WWOX: variants seen among roughly 807,000 people sequenced by gnomAD.
WWOX encodes WW domain containing oxidoreductase.
Under a neutral mutation model 46.2 loss-of-function variants are expected in WWOX, and 69 were observed. The ratio of observed to expected loss-of-function variants is 1.49; its 90% CI spans 1.23 to 1.82. The LOEUF is 1.82. WWOX is among the 40% of genes most tolerant of loss of function. The pLI is 0.00. For missense variants in WWOX, 919 were observed against 542.6 expected (o/e 1.69, Z -6.89); for synonymous variants, 359 against 202.6 (o/e 1.77, Z -6.56).
intron 8 of WWOX, among the ~76,000 whole-genome samples, chr16:78,967,736 C>G (rs972327860): frequency 1.3e-5 from 2 of 152,012 alleles, no homozygotes; most frequent in Non-Finnish European, 2.9e-5. Context: ...CAGGACCTGA[C>G]TTAGGAGGAC....
At chr16:79,177,841 G>C (rs2050831738) in intron 8 of WWOX, among the ~76,000 whole-genome samples, 1 of 152,142 alleles carries the variant, frequency 6.6e-6, no homozygotes, top group Admixed American at 6.5e-5. Context: ...TCCTTACTTT[G>C]TTCAGGCTGC....
chr16:78,736,036 C>T (rs2142400304), intron 8 of WWOX, among the ~76,000 whole-genome samples: 1 of 152,264 alleles, frequency 6.6e-6, no homozygotes, highest in East Asian at 1.9e-4. Flanking sequence ...TTGAGTGGTG[C>T]AGACTAGAGA....
At chr16:78,982,267 C>G (rs746073356) in intron 8 of WWOX, among the ~76,000 whole-genome samples, 1 of 152,168 alleles carries the variant, frequency 6.6e-6, no homozygotes, top group African/African-American at 2.4e-5. Context: ...TACAGACAGG[C>G]AAGTTTGAAT....
intron 8 of WWOX, among the ~76,000 whole-genome samples, chr16:78,775,680 G>T (rs1056450890): frequency 1.3e-5 from 2 of 152,170 alleles, no homozygotes; most frequent in Admixed American, 1.3e-4. Flanking sequence ...GTAATATGGT[G>T]CGAGCAATGG....
intron 8 of WWOX, among the ~76,000 whole-genome samples, chr16:78,451,533 G>C (rs922242683): frequency 9.9e-5 from 15 of 152,104 alleles, no homozygotes; most frequent in African/African-American, 3.6e-4. Flanking sequence ...ATGAATCCCA[G>C]CCCTTCCTTT....
chr16:79,091,221 A>G (rs1289998769), intron 8 of WWOX, among the ~76,000 whole-genome samples: 2 of 152,206 alleles, frequency 1.3e-5, no homozygotes, highest in Admixed American at 1.3e-4. Flanking sequence ...AAAACAAACA[A>G]TGTGAACAAC....
chr16:79,011,871 C>T (rs1000575882), intron 8 of WWOX, among the ~76,000 whole-genome samples: 1 of 152,066 alleles, frequency 6.6e-6, no homozygotes, highest in Non-Finnish European at 1.5e-5. Context: ...TCAGGCTAGT[C>T]TTGAACTCAT....
At chr16:78,127,428 A>C (rs2033407010) in intron 4 of WWOX, among the ~76,000 whole-genome samples, 1 of 151,734 alleles carries the variant, frequency 6.6e-6, no homozygotes, top group African/African-American at 2.4e-5. Flanking sequence ...TGCTTTAGAC[A>C]CTGGCTTGTC....
chr16:79,208,659 T>C (rs2051605749), intron 8 of WWOX, among the ~76,000 whole-genome samples: 1 of 152,144 alleles, frequency 6.6e-6, no homozygotes, highest in Non-Finnish European at 1.5e-5. Flanking sequence ...TTAAGAATGC[T>C]TTCTCTTTTA....
intron 8 of WWOX, among the ~76,000 whole-genome samples, chr16:78,849,496 C>T (rs958819788): frequency 6.7e-6 from 1 of 150,064 alleles, no homozygotes; most frequent in African/African-American, 2.5e-5. Context: ...ATGGCGTGAA[C>T]CCGGGAGGCG....
At chr16:78,490,356 C>G (rs1274781246) in intron 8 of WWOX, among the ~76,000 whole-genome samples, 1 of 152,150 alleles carries the variant, frequency 6.6e-6, no homozygotes, top group Non-Finnish European at 1.5e-5. Context: ...AAAGGGACCT[C>G]ATGTGTTATT....
intron 8 of WWOX, among the ~76,000 whole-genome samples, chr16:79,026,543 G>C (rs2047645673): frequency 6.7e-6 from 1 of 150,296 alleles, no homozygotes; most frequent in African/African-American, 2.5e-5. Flanking sequence ...TATCTAGAAA[G>C]AATCATGCCT....
At chr16:78,906,201 T>C (rs1180036797) in intron 8 of WWOX, among the ~76,000 whole-genome samples, 1 of 152,076 alleles carries the variant, frequency 6.6e-6, no homozygotes, top group East Asian at 1.9e-4. Context: ...GAGCCACTGG[T>C]GTGGTGAGTT....
intron 8 of WWOX, among the ~76,000 whole-genome samples, chr16:79,004,962 T>G (rs1176798324): frequency 6.6e-6 from 1 of 151,818 alleles, no homozygotes; most frequent in Non-Finnish European, 1.5e-5. Context: ...AAAGGAGGAG[T>G]TGTTGTTTTC....
chr16:79,025,804 C>CTTTTTTTTTTTTTTTT (rs60681938), intron 8 of WWOX, among the ~76,000 whole-genome samples: 3 of 104,092 alleles, frequency 2.9e-5, no homozygotes, highest in African/African-American at 3.8e-5. Flanking sequence ...TGCTTGCTTG[C>CTTTTTTTTTTTTTTTT]TTTTTTTTTT....
chr16:78,744,557 G>T (rs562387934), intron 8 of WWOX, among the ~76,000 whole-genome samples: 7 of 148,280 alleles, frequency 4.7e-5, no homozygotes, highest in African/African-American at 1.0e-4. Context: ...TCAGCCTCCC[G>T]AGTAGCTGGG....
At chr16:79,027,170 C>G (rs956934581) in intron 8 of WWOX, among the ~76,000 whole-genome samples, 27 of 150,888 alleles carry the variant, frequency 1.8e-4, no homozygotes, top group East Asian at 5.9e-4. Flanking sequence ...GTCCCAGCTA[C>G]TCAGGAGGCT....
chr16:78,562,485 A>G lies in WWOX; in HGVS notation c.1056+129733A>G, dbSNP rs760079410. ...AGGCAAGCAAGGCCCCTAACCTCCC[A>G]GGTTCATGGAGGTACCCATTCTGCA... On this transcript the variant is annotated intron_variant, in intron 8 of 8. Transcript: ENST00000566780. 3.3e-5 allele frequency among the ~76,000 whole-genome samples: 5 copies of G among 152,202 alleles called. No homozygotes were observed. The South Asian group carries it at 6.2e-4, about 19-fold the overall frequency.
intron 5 of WWOX, among the ~76,000 whole-genome samples, chr16:78,183,928 A>G (rs1434768846): frequency 6.6e-6 from 1 of 152,180 alleles, no homozygotes; most frequent in Admixed American, 6.5e-5. Flanking sequence ...AGAAAATTGA[A>G]TCATTCTCTG....
Sources: allele counts gnomAD v4.1 joint callset (sites outside exome capture counted in the v4.1 genomes callset), GRCh38; gene constraint gnomAD v4.1.1; transcripts MANE v1.5; gene names NCBI Gene and HGNC (gene_info 2026-07-23, HGNC 2026-07-21).